Variants in AGBL4 observed in about 807,000 individuals in gnomAD.
AGBL4 encodes the protein cytosolic carboxypeptidase 6.
AGBL4 carries 58 observed loss-of-function variants against 66.4 expected under a neutral mutation model. The observed-to-expected ratio is 0.87, with a 90% CI of 0.71 to 1.09. The LOEUF is 1.09. Among genes scored for constraint, AGBL4 ranks in the 50% least tolerant of loss-of-function variants. The probability of loss-of-function intolerance (pLI) is 0.00; values close to 1 mark genes in which losing one functional copy is unlikely to be tolerated. For synonymous variants in AGBL4, 234 were observed against 222.9 expected, an observed-to-expected ratio of 1.05 and a Z score of -0.44; for missense variants, 579 against 631.0, an observed-to-expected ratio of 0.92 and a Z score of 0.88.
chr1:49,714,593 T>TATATATATATATATACAC (rs1491300456), intron 2 of AGBL4, among the ~76,000 whole-genome samples: 1 of 113,984 alleles, frequency 8.8e-6, no homozygotes, highest in African/African-American at 3.2e-5. Context: ...TATATATATA[T>TATATATATATATATACAC]ACACACACAC....
At chr1:49,728,520 CA>C in intron 2 of AGBL4, among the ~76,000 whole-genome samples, 1 of 152,230 alleles carries the variant, frequency 6.6e-6, no homozygotes, top group East Asian at 1.9e-4. Flanking sequence ...GAGTGTGGGC[CA>C]CTATTAGTTT....
chr1:48,805,741 T>G (rs961373652), intron 6 of AGBL4, among the ~76,000 whole-genome samples: 1 of 152,216 alleles, frequency 6.6e-6, no homozygotes, highest in African/African-American at 2.4e-5. Context: ...GCCTAGCCAC[T>G]AAATGGTAGC....
At chr1:49,403,667 G>T (rs1486395706) in intron 3 of AGBL4, among the ~76,000 whole-genome samples, 1 of 152,130 alleles carries the variant, frequency 6.6e-6, no homozygotes, top group African/African-American at 2.4e-5. Context: ...TTCAGTGTCT[G>T]GGCATTGAAG....
At chr1:49,971,555 C>T (rs1244919263) in intron 1 of AGBL4, among the ~76,000 whole-genome samples, 4 of 151,944 alleles carry the variant, frequency 2.6e-5, no homozygotes, top group Non-Finnish European at 5.9e-5. Context: ...GGTGAGGTCA[C>T]TAAGAATTGC....
At chr1:48,745,189 G>A (rs1478222982) in intron 6 of AGBL4, among the ~76,000 whole-genome samples, 2 of 152,210 alleles carry the variant, frequency 1.3e-5, no homozygotes, top group African/African-American at 4.8e-5. Context: ...GGGAGGAAGA[G>A]AGGGACTTTA....
At chr1:49,273,294 C>T (rs1344977145) in intron 3 of AGBL4, among the ~76,000 whole-genome samples, 2 of 151,890 alleles carry the variant, frequency 1.3e-5, no homozygotes, top group Non-Finnish European at 2.9e-5. Context: ...GAGTTAACAT[C>T]ATAAGTAATA....
At chr1:49,802,561 G>C (rs929042897) in intron 2 of AGBL4, among the ~76,000 whole-genome samples, 1 of 152,100 alleles carries the variant, frequency 6.6e-6, no homozygotes, top group African/African-American at 2.4e-5. Flanking sequence ...TCTGTATACT[G>C]TACTTCTGCA....
At chr1:49,363,534 A>G (rs1644183527) in intron 3 of AGBL4, among the ~76,000 whole-genome samples, 1 of 152,234 alleles carries the variant, frequency 6.6e-6, no homozygotes, top group South Asian at 2.1e-4. Context: ...TCAGATGCTG[A>G]AAATGAGTTG....
At chr1:49,367,589 C>A (rs537237811) in intron 3 of AGBL4, among the ~76,000 whole-genome samples, 6 of 152,246 alleles carry the variant, frequency 3.9e-5, no homozygotes, top group South Asian at 4.1e-4. Context: ...CTGAAAGAAC[C>A]AGGCTTGGAC....
intron 3 of AGBL4, among the ~76,000 whole-genome samples, chr1:49,382,878 G>A (rs542363529): frequency 3.3e-5 from 5 of 152,280 alleles, no homozygotes; most frequent in Non-Finnish European, 7.4e-5. Flanking sequence ...GGTGTTACAT[G>A]CTTATAGTCC....
chr1:48,564,383 C>T (rs1320078854), intron 11 of AGBL4, among the ~76,000 whole-genome samples: 2 of 151,930 alleles, frequency 1.3e-5, no homozygotes, highest in Non-Finnish European at 2.9e-5. Context: ...CTTCTCCTGA[C>T]CCATCTCTCC....
At chr1:49,535,533 A>C (rs1283478564) in intron 3 of AGBL4, among the ~76,000 whole-genome samples, 1 of 151,726 alleles carries the variant, frequency 6.6e-6, no homozygotes. Context: ...ATATACTTTA[A>C]AAATCTACAG....
rs1293363873 is a variant in AGBL4 at position 50,019,302 on chromosome 1, T to TCACACACA, written c.34+4460_34+4461insTGTGTGTG. Among the ~76,000 whole-genome samples the TCACACACA allele has an allele frequency of 8.2e-3, 577 of 70,658 alleles. 2 individuals carry two copies. The highest frequency in any genetic ancestry group is 0.043 in the South Asian group (72 of 1,666). The allele number at this position is 70,658 out of a possible 152,430, so 46.4% of individuals were successfully genotyped here. A position where few individuals can be genotyped will look rare whatever the true frequency, so the allele number is the denominator to read the frequency against. Reference sequence around the variant, plus strand: ...CTCTCTCTCTCTCTCTCTCTCTCTCTCTCTCACACACACACACACACACAC... The same window carrying TCACACACA: ...CTCTCTCTCTCTCTCTCTCTCTCTCTCACACACACTCTCACACACACACACACACACAC... On this transcript the variant is annotated intron_variant, in intron 1 of 13. Transcript: ENST00000371839.
At chr1:49,545,757 T>C (rs1051433415) in intron 3 of AGBL4, among the ~76,000 whole-genome samples, 6 of 152,342 alleles carry the variant, frequency 3.9e-5, no homozygotes, top group African/African-American at 1.2e-4. Flanking sequence ...TTTAAAGTTA[T>C]ACAACTATGT....
At chr1:49,498,005 G>A (rs1436392445) in intron 3 of AGBL4, among the ~76,000 whole-genome samples, 3 of 151,908 alleles carry the variant, frequency 2.0e-5, no homozygotes, top group African/African-American at 7.2e-5. Context: ...TATGAACACG[G>A]TATGTCTTAC....
chr1:48,609,467 G>C (rs907567666), intron 9 of AGBL4, among the ~76,000 whole-genome samples: 2 of 152,156 alleles, frequency 1.3e-5, no homozygotes, highest in African/African-American at 4.8e-5. Context: ...TCTTGCCAAG[G>C]CTGGAGTGCA....
At chr1:49,328,011 C>A (rs912753445) in intron 3 of AGBL4, among the ~76,000 whole-genome samples, 1 of 152,102 alleles carries the variant, frequency 6.6e-6, no homozygotes. Flanking sequence ...CAAATATTCC[C>A]TAGCAATAAG....
chr1:49,050,319 C>A (rs199873060), intron 4 of AGBL4, among the ~76,000 whole-genome samples: 1 of 152,174 alleles, frequency 6.6e-6, no homozygotes, highest in East Asian at 1.9e-4. Flanking sequence ...CATTCACGAA[C>A]ATACTCTATT....
At chr1:49,144,872 A>C (rs1557677719) in intron 4 of AGBL4, among the ~76,000 whole-genome samples, 1 of 152,268 alleles carries the variant, frequency 6.6e-6, no homozygotes, top group East Asian at 1.9e-4. Context: ...GGCTGAGGTC[A>C]CATTGAAAGC....
Sources: allele counts gnomAD v4.1 joint callset (sites outside exome capture counted in the v4.1 genomes callset), GRCh38; gene constraint gnomAD v4.1.1; transcripts MANE v1.5; gene names NCBI Gene and HGNC (gene_info 2026-07-23, HGNC 2026-07-21).